The following GRID2 variants were observed in gnomAD, a reference collection of about 807,000 sequenced individuals.
The protein encoded by GRID2 is glutamate ionotropic receptor delta type subunit 2.
Under a neutral mutation model 114.8 loss-of-function variants are expected in GRID2, and 33 were observed. The ratio of observed to expected loss-of-function variants is 0.29; its 90% CI spans 0.22 to 0.38. The LOEUF (loss-of-function observed/expected upper bound fraction) is 0.38. Ranked by LOEUF, GRID2 falls within the 10% of genes least tolerant of loss-of-function variation. The pLI, the probability that GRID2 is intolerant of heterozygous loss-of-function variation, is 1.00. For missense variants in GRID2, 1,184 were observed against 1,257.7 expected, an observed-to-expected ratio of 0.94 and a Z score of 0.89; for synonymous variants, 505 against 449.9, an observed-to-expected ratio of 1.12 and a Z score of -1.55.
At chr4:92,703,957 C>T (rs1478512901) in intron 2 of GRID2, among the ~76,000 whole-genome samples, 2 of 152,066 alleles carry the variant, frequency 1.3e-5, no homozygotes, top group Non-Finnish European at 2.9e-5. Flanking sequence ...TCATTAAATA[C>T]TTCGTAGATG....
chr4:93,035,001 T>C (rs1176984917), intron 2 of GRID2, among the ~76,000 whole-genome samples: 1 of 152,004 alleles, frequency 6.6e-6, no homozygotes, highest in Admixed American at 6.6e-5. Context: ...CATTAAAAAA[T>C]AGAAGTAGCT....
chr4:93,282,462 GAGC>G, intron 8 of GRID2: 1 of 409,054 alleles, frequency 2.4e-6, no homozygotes, highest in South Asian at 1.8e-5. Flanking sequence ...GAAAACATAA[GAGC>G]AGAAGACCGT....
chr4:92,675,856 A>T (rs1733329461), intron 2 of GRID2, among the ~76,000 whole-genome samples: 1 of 151,466 alleles, frequency 6.6e-6, no homozygotes, highest in Non-Finnish European at 1.5e-5. Flanking sequence ...GCCTGGCCTG[A>T]GCTACCATTT....
At chr4:92,485,110 A>G (rs1722799799) in intron 1 of GRID2, among the ~76,000 whole-genome samples, 1 of 150,960 alleles carries the variant, frequency 6.6e-6, no homozygotes, top group African/African-American at 2.4e-5. Context: ...CGATATTGCT[A>G]ATAACTTGAG....
chr4:93,519,871 G>C (rs1730158308), intron 13 of GRID2, among the ~76,000 whole-genome samples: 1 of 152,154 alleles, frequency 6.6e-6, no homozygotes, highest in African/African-American at 2.4e-5. Flanking sequence ...GCAATATGGG[G>C]AAAGGGGTGC....
At chr4:93,544,336 T>C (rs369240373) in intron 13 of GRID2, among the ~76,000 whole-genome samples, 3 of 152,320 alleles carry the variant, frequency 2.0e-5, no homozygotes, top group African/African-American at 7.2e-5. Context: ...AATTATTCTG[T>C]ATTTATGATA....
chr4:93,200,983 T>G (rs1742046781), intron 4 of GRID2, among the ~76,000 whole-genome samples: 1 of 152,186 alleles, frequency 6.6e-6, no homozygotes, highest in Non-Finnish European at 1.5e-5. Context: ...CATTTAATGT[T>G]CATTCTGATT....
chr4:93,141,980 G>T (rs1262941971), intron 4 of GRID2, among the ~76,000 whole-genome samples: 2 of 152,182 alleles, frequency 1.3e-5, no homozygotes, highest in Admixed American at 6.5e-5. Flanking sequence ...CAGTGTGCTG[G>T]CTTATGCCTG....
chr4:93,414,227 G>T (rs775355995), intron 9 of GRID2, among the ~76,000 whole-genome samples: 2 of 152,028 alleles, frequency 1.3e-5, no homozygotes, highest in African/African-American at 4.8e-5. Flanking sequence ...ATTGCAAAAG[G>T]CTCCTAATTG....
chr4:93,765,472 C>G (rs746072333), intron 14 of GRID2, among the ~76,000 whole-genome samples: 19 of 151,954 alleles, frequency 1.3e-4, no homozygotes, highest in Non-Finnish European at 2.1e-4. Flanking sequence ...CTTGAAGCAC[C>G]TAGAGAGGGT....
At position 93,772,302 on chromosome 4, in the gene GRID2, C is replaced by T; in HGVS notation, c.2828C>T (p.Thr943Ile). The T allele has an allele frequency of 6.2e-7, 1 of 1,614,066 alleles. No homozygotes were observed. Among genetic ancestry groups the T allele is most frequent in the South Asian group, 1.1e-5 (1 of 91,078 alleles). The change falls in exon 16 of 16, where the codon ACA (threonine) becomes ATA (isoleucine). Residue 943 changes from threonine to isoleucine, a missense_variant. This residue lies in a region of GRID2 where 717 missense variants were observed against 796.9 expected (regional missense o/e 0.90). Coordinates refer to ENST00000282020, the MANE Select transcript of GRID2 (RefSeq NM_001510.4). ...IPEQIQTLSR[T>I]LSAKAASGFT... ...GAGCAGATCCAGACTCTTAGCCGCACACTGTCAGCTAAAGCTGCTTCTGGT... is the reference window on the plus strand; with the variant it reads ...GAGCAGATCCAGACTCTTAGCCGCATACTGTCAGCTAAAGCTGCTTCTGGT...
chr4:93,762,725 A>G (rs1733317240), intron 14 of GRID2, among the ~76,000 whole-genome samples: 1 of 152,138 alleles, frequency 6.6e-6, no homozygotes, highest in South Asian at 2.1e-4. Flanking sequence ...AACAGAGAAG[A>G]CCTCAGATCA....
intron 1 of GRID2, among the ~76,000 whole-genome samples, chr4:92,506,749 G>A (rs963450626): frequency 6.6e-6 from 1 of 151,840 alleles, no homozygotes; most frequent in African/African-American, 2.4e-5. Context: ...GAGCATTCAG[G>A]TATTCCCAAA....
At chr4:92,770,093 C>T (rs772248034) in intron 2 of GRID2, among the ~76,000 whole-genome samples, 2 of 152,214 alleles carry the variant, frequency 1.3e-5, no homozygotes, top group Non-Finnish European at 2.9e-5. Context: ...CAAGTCACCT[C>T]TTGAATGCTT....
At chr4:92,983,275 A>G (rs1754326229) in intron 2 of GRID2, among the ~76,000 whole-genome samples, 3 of 152,094 alleles carry the variant, frequency 2.0e-5, no homozygotes, top group Admixed American at 2.0e-4. Context: ...CAGCACCTGG[A>G]GAGGAACTTT....
At chr4:93,193,891 C>A (rs1431306420) in intron 4 of GRID2, among the ~76,000 whole-genome samples, 33 of 152,162 alleles carry the variant, frequency 2.2e-4, no homozygotes, top group Non-Finnish European at 5.9e-5. Flanking sequence ...CATTTATGGC[C>A]TCAACTCTAG....
At chr4:93,189,423 T>A (rs1740754648) in intron 4 of GRID2, among the ~76,000 whole-genome samples, 1 of 152,070 alleles carries the variant, frequency 6.6e-6, no homozygotes, top group Non-Finnish European at 1.5e-5. Flanking sequence ...CTAATCCTAC[T>A]CATGACGGTT....
In GRID2 at chr4:93,324,793, A is replaced by G. The variant is rs141951569; in HGVS notation, c.1246-70814A>G. Among the ~76,000 whole-genome samples, 32 of 152,032 alleles carry G rather than the reference A, an allele frequency of 2.1e-4. No individual in the cohort carries two copies. The East Asian group carries it at 5.4e-3, about 26-fold the overall frequency. ...GGTGTATGTTTCCAGGAATTTATCT[A>G]TGTCTTCTAGATTTTCTAGTTTACT... On this transcript the variant is annotated intron_variant, in intron 8 of 15. Coordinates refer to ENST00000282020, the MANE Select transcript of GRID2 (RefSeq NM_001510.4).
intron 14 of GRID2, among the ~76,000 whole-genome samples, chr4:93,763,668 A>C (rs1310427841): frequency 6.6e-6 from 1 of 152,190 alleles, no homozygotes; most frequent in Non-Finnish European, 1.5e-5. Flanking sequence ...TGAGCAACTT[A>C]AAAAGTCATT....
Sources: allele counts gnomAD v4.1 joint callset (sites outside exome capture counted in the v4.1 genomes callset), GRCh38; gene constraint gnomAD v4.1.1; regional missense constraint gnomAD v4.1.1; transcripts MANE v1.5; gene names NCBI Gene and HGNC (gene_info 2026-07-23, HGNC 2026-07-21).